Variants in MARCHF1 observed in about 807,000 individuals in gnomAD.
MARCHF1 encodes the protein membrane associated ring-CH-type finger 1, also known as E3 ubiquitin-protein ligase MARCHF1.
A neutral mutation model predicts 54.2 loss-of-function variants in MARCHF1; 40 were observed. That is an observed-to-expected ratio of 0.74 (90% CI 0.57 to 0.96). MARCHF1 has a LOEUF of 0.96. Ranked by LOEUF, MARCHF1 falls within the 40% of genes least tolerant of loss-of-function variation. The pLI is 0.00. For missense variants in MARCHF1, 586 were observed against 656.5 expected (o/e 0.89, Z 1.17); for synonymous variants, 236 against 236.3 (o/e 1.00, Z 0.01).
In MARCHF1 at chr4:163,690,922, C is replaced by G. The variant is rs143317192; in HGVS notation, c.162+9891G>C. On this transcript the variant is annotated intron_variant, in intron 5 of 9. Transcript: ENST00000514618. ...CCTTCTGGGAACCAGAAGTTATAAA[C>G]CTGCAGAGCCCAAAGCGCTGGCTGT... Among the ~76,000 whole-genome samples, 583 of 152,314 alleles carry G rather than the reference C, an allele frequency of 3.8e-3. 2 individuals are homozygous for G. The highest frequency in any genetic ancestry group is 6.1e-3 in the Non-Finnish European group (417 of 68,030).
chr4:163,620,344 A>C (rs1741639440), intron 5 of MARCHF1, among the ~76,000 whole-genome samples: 1 of 152,136 alleles, frequency 6.6e-6, no homozygotes, highest in Admixed American at 6.6e-5. Context: ...ATTTGGAGAG[A>C]AATTTGATAA....
chr4:163,983,550 G>T (rs765695593), intron 3 of MARCHF1, among the ~76,000 whole-genome samples: 1 of 152,144 alleles, frequency 6.6e-6, no homozygotes, highest in Non-Finnish European at 1.5e-5. Flanking sequence ...TTAGAGGTTA[G>T]CAGGTTTGGG....
chr4:163,869,605 C>A (rs1750126907), intron 3 of MARCHF1, among the ~76,000 whole-genome samples: 1 of 151,922 alleles, frequency 6.6e-6, no homozygotes, highest in Admixed American at 6.6e-5. Context: ...TCAGACAACC[C>A]AATGGAAATA....
chr4:163,805,288 C>A (rs1158542237), intron 4 of MARCHF1, among the ~76,000 whole-genome samples: 1 of 151,598 alleles, frequency 6.6e-6, no homozygotes, highest in African/African-American at 2.4e-5. Flanking sequence ...TATAAGAATG[C>A]CATAATTGTG....
chr4:164,029,345 T>C (rs1579473378), intron 2 of MARCHF1, among the ~76,000 whole-genome samples: 1 of 151,486 alleles, frequency 6.6e-6, no homozygotes, highest in African/African-American at 2.4e-5. Context: ...AGCAGGAAGG[T>C]GCCACACAAT....
intron 3 of MARCHF1, among the ~76,000 whole-genome samples, chr4:163,874,754 C>T (rs181027028): frequency 3.9e-5 from 6 of 152,104 alleles, no homozygotes; most frequent in Admixed American, 1.3e-4. Flanking sequence ...TATATCTCTA[C>T]GGTACTTAAG....
intron 5 of MARCHF1, among the ~76,000 whole-genome samples, chr4:163,695,993 T>A (rs1259617706): frequency 6.6e-6 from 1 of 152,094 alleles, no homozygotes; most frequent in African/African-American, 2.4e-5. Flanking sequence ...ATTTTGATAA[T>A]CTCACATATA....
chr4:164,283,134 CAAATACA>C (rs1368683326), intron 1 of MARCHF1, among the ~76,000 whole-genome samples: 2 of 151,142 alleles, frequency 1.3e-5, no homozygotes, highest in African/African-American at 4.9e-5. Flanking sequence ...ACATCCCCAC[CAAATACA>C]AATCTTATTC....
intron 1 of MARCHF1, among the ~76,000 whole-genome samples, chr4:164,160,095 T>G (rs910645459): frequency 4.6e-5 from 7 of 152,336 alleles, no homozygotes; most frequent in African/African-American, 1.4e-4. Flanking sequence ...TTTTATTAGC[T>G]GCCCTAATTA....
chr4:164,249,004 T>G (rs1252351635), intron 1 of MARCHF1, among the ~76,000 whole-genome samples: 1 of 152,080 alleles, frequency 6.6e-6, no homozygotes, highest in Non-Finnish European at 1.5e-5. Context: ...TTACCAAGTG[T>G]TGCTACAATT....
intron 1 of MARCHF1, among the ~76,000 whole-genome samples, chr4:164,377,033 T>C (rs1731213092): frequency 6.6e-6 from 1 of 152,194 alleles, no homozygotes; most frequent in Non-Finnish European, 1.5e-5. Flanking sequence ...GGACACTGAA[T>C]TGAAGGCAGG....
intron 2 of MARCHF1, among the ~76,000 whole-genome samples, chr4:164,068,920 C>T (rs961501340): frequency 6.6e-6 from 1 of 152,176 alleles, no homozygotes; most frequent in Non-Finnish European, 1.5e-5. Flanking sequence ...ACACACCAAT[C>T]AGCACCCTGT....
chr4:164,256,388 C>CA (rs1318268759), intron 1 of MARCHF1, among the ~76,000 whole-genome samples: 13 of 62,248 alleles, frequency 2.1e-4, no homozygotes, highest in Admixed American at 4.7e-4. Flanking sequence ...TGGGTGAAAA[C>CA]AAAAAAAACT....
chr4:163,819,710 G>A (rs922021047), intron 4 of MARCHF1, among the ~76,000 whole-genome samples: 5 of 151,852 alleles, frequency 3.3e-5, no homozygotes, highest in African/African-American at 7.3e-5. Context: ...TGTCTTTATC[G>A]TCCTAATGCT....
chr4:164,284,536 GA>G (rs1734100957), intron 1 of MARCHF1, among the ~76,000 whole-genome samples: 1 of 150,992 alleles, frequency 6.6e-6, no homozygotes, highest in South Asian at 2.1e-4. Context: ...CAATCAACTT[GA>G]AAAAGCTGAA....
At chr4:163,646,453 T>G (rs1742763037) in intron 5 of MARCHF1, among the ~76,000 whole-genome samples, 2 of 152,016 alleles carry the variant, frequency 1.3e-5, no homozygotes, top group African/African-American at 4.8e-5. Context: ...AAAGACTCAG[T>G]AAAGACAAAT....
At chr4:164,319,499 C>G (rs1171671336) in intron 1 of MARCHF1, among the ~76,000 whole-genome samples, 1 of 151,872 alleles carries the variant, frequency 6.6e-6, no homozygotes, top group East Asian at 1.9e-4. Context: ...AATATTTCTT[C>G]GATGAAGAAG....
At chr4:164,215,278 C>A (rs148188058) in intron 1 of MARCHF1, among the ~76,000 whole-genome samples, 78 of 152,252 alleles carry the variant, frequency 5.1e-4, no homozygotes, top group Middle Eastern at 3.4e-3. Flanking sequence ...CTCCTTCCTT[C>A]GGTAGATAGC....
chr4:164,350,446 G>A (rs1417498687), intron 1 of MARCHF1, among the ~76,000 whole-genome samples: 1 of 152,136 alleles, frequency 6.6e-6, no homozygotes, highest in Admixed American at 6.5e-5. Flanking sequence ...TGACACCATA[G>A]GATGAATATA....
Sources: gnomAD v4.1 joint callset for allele counts (sites outside exome capture counted in the v4.1 genomes callset) on GRCh38, gnomAD v4.1.1 for gene constraint, MANE v1.5 for transcripts, NCBI Gene and HGNC (gene_info 2026-07-23, HGNC 2026-07-21) for gene names.